KIF2A: variants seen among roughly 807,000 people sequenced by gnomAD.
KIF2A encodes kinesin-like protein KIF2A.
KIF2A carries 22 observed loss-of-function variants against 100.2 expected under a neutral mutation model. That is an observed-to-expected ratio of 0.22 (90% CI 0.16 to 0.31). The LOEUF (loss-of-function observed/expected upper bound fraction) is 0.31. Ranked by LOEUF, KIF2A falls within the 10% of genes least tolerant of loss-of-function variation. The probability of loss-of-function intolerance (pLI) is 1.00; values close to 1 mark genes in which losing one functional copy is unlikely to be tolerated. For synonymous variants in KIF2A, 268 were observed against 285.9 expected, an observed-to-expected ratio of 0.94 and a Z score of 0.63; for missense variants, 495 against 898.7, an observed-to-expected ratio of 0.55 and a Z score of 5.74.
At chr5:62,309,835 A>G (rs1300942677) in intron 1 of KIF2A, among the ~76,000 whole-genome samples, 1 of 152,220 alleles carries the variant, frequency 6.6e-6, no homozygotes, top group East Asian at 1.9e-4. Flanking sequence ...CAAGACCATG[A>G]TGAAAACTAT....
intron 1 of KIF2A, among the ~76,000 whole-genome samples, chr5:62,330,292 A>G (rs916617782): frequency 6.6e-6 from 1 of 152,206 alleles, no homozygotes; most frequent in African/African-American, 2.4e-5. Flanking sequence ...CAGAGGTTTC[A>G]GTGAACTAAG....
chr5:62,312,766 G>T (rs1010769940), intron 1 of KIF2A, among the ~76,000 whole-genome samples: 1 of 152,184 alleles, frequency 6.6e-6, no homozygotes, highest in Non-Finnish European at 1.5e-5. Flanking sequence ...AGTGAGGGAA[G>T]TGTTCCTTTT....
At chr5:62,306,990 CG>C (rs1745325447) in intron 1 of KIF2A, 1 of 154,192 alleles carries the variant, frequency 6.5e-6, no homozygotes, top group South Asian at 2.0e-4. Flanking sequence ...GGAAGACCAG[CG>C]ATTTCACATT....
Position 62,348,108 on chromosome 5 carries a change from C to A in KIF2A, c.220C>A (p.Pro74Thr). 1 of 1,613,692 alleles carries A rather than the reference C, an allele frequency of 6.2e-7. No homozygotes were observed. Among genetic ancestry groups the A allele is most frequent in the Non-Finnish European group, 8.5e-7 (1 of 1,179,726 alleles). Residue 74 changes from proline (P) to threonine (T), a missense_variant, in exon 3 of 21, where the codon CCC becomes ACC. Coordinates refer to ENST00000407818, the MANE Select transcript of KIF2A (RefSeq NM_001098511.3). Reference protein sequence around the residue: ...PDLVPDEEIEPSPETPPPPAS... With the variant: ...PDLVPDEEIETSPETPPPPAS... ...CCTTGTTCCTGATGAAGAAATTGAA[C>A]CCAGTCCAGAAACACCTCCACCTCC...
intron 1 of KIF2A, among the ~76,000 whole-genome samples, chr5:62,346,599 G>T (rs1020035774): frequency 1.3e-5 from 2 of 152,118 alleles, no homozygotes; most frequent in Non-Finnish European, 2.9e-5. Context: ...AATTAGCTGG[G>T]TGTGGTGATG....
chr5:62,309,070 T>C (rs1208569168), intron 1 of KIF2A, among the ~76,000 whole-genome samples: 3 of 150,272 alleles, frequency 2.0e-5, no homozygotes, highest in Non-Finnish European at 4.5e-5. Context: ...CTCATAAGTA[T>C]GAGTATAGGT....
chr5:62,322,155 C>T (rs1746125383), intron 1 of KIF2A, among the ~76,000 whole-genome samples: 1 of 151,792 alleles, frequency 6.6e-6, no homozygotes, highest in South Asian at 2.1e-4. Flanking sequence ...TGGTCAGACT[C>T]CTGGGCTCAA....
chr5:62,315,679 GACCT>G (rs1282387398), intron 1 of KIF2A, among the ~76,000 whole-genome samples: 18 of 152,182 alleles, frequency 1.2e-4, no homozygotes, highest in Non-Finnish European at 1.2e-4. Flanking sequence ...CCTTATTAAA[GACCT>G]GGAAACAGAG....
rs1740927703 is a variant in KIF2A, at chr5:62,363,893, A to G, written c.1461A>G (p.Ala487=). 6.2e-7 allele frequency: 1 copy of G among 1,604,092 alleles called. No individual in the cohort carries two copies. Among genetic ancestry groups the G allele is most frequent in the Non-Finnish European group, 8.5e-7 (1 of 1,174,858 alleles). ...EGAEINKSLL[A]LKECIRALGR... ...CTGAAATTAATAAAAGCCTTTTAGC[A>G]CTCAAGGTAAATAAAATGTATTTTA... Residue 487 remains alanine (A), a synonymous_variant, in exon 14 of 21, where the codon GCA becomes GCG. Transcript: ENST00000407818.
Position 62,347,040 on chromosome 5 carries a change from T to A in KIF2A, c.65-90T>A, listed in dbSNP as rs958904892. On this transcript the variant is annotated intron_variant, in intron 1 of 20. Transcript: ENST00000407818. Reference sequence around the variant, plus strand: ...AGGAAAAGTAGTGTCATTTTTTTTTTAATTTCCAAGTTATAAAATTGTATT... The same window carrying A: ...AGGAAAAGTAGTGTCATTTTTTTTTAAATTTCCAAGTTATAAAATTGTATT... 68 of 703,322 alleles carry A rather than the reference T, an allele frequency of 9.7e-5. 1 individual carries two copies. Among genetic ancestry groups the A allele is most frequent in the South Asian group, 2.1e-4 (11 of 53,404 alleles). The allele number at this position is 703,322 out of a possible 1,614,324, so 43.6% of individuals were successfully genotyped here. A position where few individuals can be genotyped will look rare whatever the true frequency, so the allele number is the denominator to read the frequency against.
At chr5:62,336,750 T>C (rs1196121742) in intron 1 of KIF2A, among the ~76,000 whole-genome samples, 1 of 152,086 alleles carries the variant, frequency 6.6e-6, no homozygotes, top group Non-Finnish European at 1.5e-5. Flanking sequence ...AACAGTAAAA[T>C]ATGCCCAAAG....
At chr5:62,341,473 A>G (rs1013498276) in intron 1 of KIF2A, among the ~76,000 whole-genome samples, 1 of 143,544 alleles carries the variant, frequency 7.0e-6, no homozygotes, top group African/African-American at 2.6e-5. Context: ...GTTGATTTTT[A>G]AATTTTTTTT....
chr5:62,315,028 G>A (rs1056736422), intron 1 of KIF2A, among the ~76,000 whole-genome samples: 5 of 151,974 alleles, frequency 3.3e-5, no homozygotes, highest in African/African-American at 4.8e-5. Flanking sequence ...CTCCCAAAGT[G>A]TTGGGATTAT....
chr5:62,338,956 A>G (rs1349972968), intron 1 of KIF2A, among the ~76,000 whole-genome samples: 1 of 152,250 alleles, frequency 6.6e-6, no homozygotes, highest in East Asian at 1.9e-4. Context: ...AATTAGAACC[A>G]TAATATGATA....
chr5:62,345,081 T>C (rs979963018), intron 1 of KIF2A, among the ~76,000 whole-genome samples: 1 of 151,278 alleles, frequency 6.6e-6, no homozygotes, highest in Non-Finnish European at 1.5e-5. Flanking sequence ...CCCTGTCCTC[T>C]ACTAAAAATA....
At chr5:62,355,323 C>A in intron 7 of KIF2A, 69 bp downstream of exon 7, 1 of 794,788 alleles carries the variant, frequency 1.3e-6, no homozygotes, top group South Asian at 1.5e-5. Context: ...TTGACACTTG[C>A]TAAATTCATA....
At chr5:62,329,568 AAAT>A (rs1411485955) in intron 1 of KIF2A, among the ~76,000 whole-genome samples, 2 of 152,252 alleles carry the variant, frequency 1.3e-5, no homozygotes, top group Admixed American at 1.3e-4. Flanking sequence ...GTTAGATTAT[AAAT>A]AATAACTGCT....
In KIF2A at chr5:62,373,764, A is replaced by G; in HGVS notation, c.1838A>G (p.Asp613Gly). ...PIMHHPPNQIDDLETQWGVGS... is the reference protein window; with the variant it reads ...PIMHHPPNQIGDLETQWGVGS... Reference sequence around the variant, plus strand: ...ATGCACCATCCACCAAACCAGATTGATGACTTAGAGACACAGTGGGGTGTG... The same window carrying G: ...ATGCACCATCCACCAAACCAGATTGGTGACTTAGAGACACAGTGGGGTGTG... Residue 613 changes from aspartate to glycine, a missense_variant, in exon 18 of 21, where the codon GAT becomes GGT. Asp to Gly is a moderately conservative substitution (Grantham distance 94). Around this residue, in one of 10 missense-constraint regions of KIF2A, gnomAD observed 100 missense variants for 138.2 expected, o/e 0.72. Transcript: ENST00000407818. 1.2e-6 allele frequency: 2 copies of G among 1,613,180 alleles called. No individual in the cohort carries two copies. The highest frequency in any genetic ancestry group is 1.7e-6 in the Non-Finnish European group (2 of 1,179,118).
intron 1 of KIF2A, among the ~76,000 whole-genome samples, chr5:62,346,852 G>T (rs1041767617): frequency 6.6e-6 from 1 of 152,152 alleles, no homozygotes; most frequent in Non-Finnish European, 1.5e-5. Context: ...AAGATTTCAG[G>T]CATTGTATGT....
Sources: gnomAD v4.1 joint callset for allele counts (sites outside exome capture counted in the v4.1 genomes callset) on GRCh38, gnomAD v4.1.1 for gene constraint, gnomAD v4.1.1 regional missense constraint, MANE v1.5 for transcripts, NCBI Gene and HGNC (gene_info 2026-07-23, HGNC 2026-07-21) for gene names.